Variants in TMEM131 observed in about 807,000 individuals in gnomAD.
The protein encoded by TMEM131 is transmembrane protein 131.
Under a neutral mutation model 211.6 loss-of-function variants are expected in TMEM131, and 66 were observed. That is an observed-to-expected ratio of 0.31 (90% CI 0.26 to 0.38). The LOEUF (loss-of-function observed/expected upper bound fraction) is 0.38, where lower values mean the gene tolerates loss of function less well. TMEM131 is among the 10% of genes least tolerant of loss of function. The pLI, the probability that TMEM131 is intolerant of heterozygous loss-of-function variation, is 1.00. For missense variants in TMEM131, 2,036 were observed against 2,299.3 expected (o/e 0.89, Z 2.34); for synonymous variants, 844 against 841.3 (o/e 1.00, Z -0.06).
chr2:97,797,374 A>G lies in TMEM131; in HGVS notation c.2861T>C (p.Ile954Thr), dbSNP rs759107618. The G allele has an allele frequency of 2.7e-5, 44 of 1,605,416 alleles. 1 individual carries two copies. Among genetic ancestry groups the G allele is most frequent in the South Asian group, 2.7e-4 (24 of 89,626 alleles). ...ATATCACAGAACCTACCTGACTATG[A>G]TAAGTGAAGAAACAGTTCTGTTGTG... ...PVHNRTVSSLIIVRNNLTVMD... is the reference protein window; with the variant it reads ...PVHNRTVSSLTIVRNNLTVMD... The change falls in exon 26 of 41, where the codon ATC becomes ACC. Residue 954 changes from isoleucine to threonine, a missense_variant. By Grantham distance (89) the Ile-to-Thr change is moderately conservative. Around this residue, in one of 3 missense-constraint regions of TMEM131, gnomAD observed 1,623 missense variants for 1,805.9 expected, o/e 0.90. Transcript: ENST00000186436.
At chr2:97,887,828 C>A (rs796179310) in intron 4 of TMEM131, 5 of 426,752 alleles carry the variant, frequency 1.2e-5, no homozygotes, top group African/African-American at 9.9e-5. Context: ...GAGACTACAA[C>A]AAGCGAGTAT....
At chr2:97,947,149 A>T (rs1199878585) in intron 1 of TMEM131, among the ~76,000 whole-genome samples, 1 of 152,058 alleles carries the variant, frequency 6.6e-6, no homozygotes, top group Non-Finnish European at 1.5e-5. Context: ...TAAGATTAGA[A>T]CAAGGTAAGA....
chr2:97,890,773 A>G (rs2104276372), intron 3 of TMEM131, among the ~76,000 whole-genome samples: 1 of 152,290 alleles, frequency 6.6e-6, no homozygotes. Flanking sequence ...TGCAAGTAAC[A>G]ATTTGATTCT....
At chr2:97,817,155 T>C (rs1400655974) in intron 12 of TMEM131, among the ~76,000 whole-genome samples, 2 of 151,526 alleles carry the variant, frequency 1.3e-5, no homozygotes, top group African/African-American at 4.9e-5. Flanking sequence ...ATCGCATTTA[T>C]CTCAAGAAGG....
At chr2:97,871,448 T>C (rs1674485879) in intron 4 of TMEM131, among the ~76,000 whole-genome samples, 1 of 152,158 alleles carries the variant, frequency 6.6e-6, no homozygotes, top group Non-Finnish European at 1.5e-5. Flanking sequence ...CAGAGGGGCC[T>C]GAGATAACCG....
chr2:97,787,231 A>G (rs1334393336), intron 31 of TMEM131, among the ~76,000 whole-genome samples: 1 of 152,224 alleles, frequency 6.6e-6, no homozygotes, highest in Non-Finnish European at 1.5e-5. Flanking sequence ...TGTGTAATGA[A>G]TTTGTCTGAG....
At chr2:97,847,180 T>C (rs1258059364) in intron 5 of TMEM131, among the ~76,000 whole-genome samples, 1 of 148,852 alleles carries the variant, frequency 6.7e-6, no homozygotes, top group Non-Finnish European at 1.5e-5. Context: ...AGAGTGAGAT[T>C]CGGTCTCAAA....
intron 3 of TMEM131, among the ~76,000 whole-genome samples, chr2:97,898,102 T>G (rs1279785120): frequency 6.6e-6 from 1 of 152,102 alleles, no homozygotes; most frequent in Non-Finnish European, 1.5e-5. Context: ...CCAATCTAGC[T>G]ACATTCAAAG....
At chr2:97,977,503 C>T (rs1488881965) in intron 1 of TMEM131, among the ~76,000 whole-genome samples, 6 of 152,160 alleles carry the variant, frequency 3.9e-5, no homozygotes, top group Admixed American at 3.9e-4. Flanking sequence ...TTCCAGACCA[C>T]CACAATAAAA....
intron 32 of TMEM131, among the ~76,000 whole-genome samples, chr2:97,775,390 G>C (rs995631767): frequency 6.6e-6 from 1 of 152,174 alleles, no homozygotes; most frequent in African/African-American, 2.4e-5. Context: ...TACTGCTTGG[G>C]AGTAAGCGGC....
intron 1 of TMEM131, among the ~76,000 whole-genome samples, chr2:97,938,774 G>A (rs1677571091): frequency 6.6e-6 from 1 of 152,116 alleles, no homozygotes; most frequent in Non-Finnish European, 1.5e-5. Flanking sequence ...CCACATAGTT[G>A]GAAGTAAAGC....
intron 6 of TMEM131, 27 bp downstream of exon 6, chr2:97,844,118 A>G: frequency 1.4e-6 from 1 of 699,288 alleles, no homozygotes; most frequent in Non-Finnish European, 2.1e-6. Flanking sequence ...TATATTGTAT[A>G]AAATAAGTTT....
intron 12 of TMEM131, among the ~76,000 whole-genome samples, chr2:97,817,195 G>A (rs761852613): frequency 4.6e-5 from 7 of 152,182 alleles, no homozygotes; most frequent in Non-Finnish European, 8.8e-5. Context: ...CAATACAGGA[G>A]CTAGAGAAGA....
At chr2:97,759,783 A>C in intron 38 of TMEM131, 34 bp from the exon 39 acceptor site, 3 of 1,529,038 alleles carry the variant, frequency 2.0e-6, no homozygotes, top group Non-Finnish European at 1.8e-6. Context: ...CAACACACAA[A>C]AATGTATGGT....
chr2:97,783,376 T>C (rs944536259), intron 31 of TMEM131, among the ~76,000 whole-genome samples: 1 of 152,036 alleles, frequency 6.6e-6, no homozygotes, highest in Non-Finnish European at 1.5e-5. Flanking sequence ...GAAAAAAATA[T>C]AAATAAAACA....
At chr2:97,856,309 T>C (rs182729082) in intron 5 of TMEM131, among the ~76,000 whole-genome samples, 67 of 152,256 alleles carry the variant, frequency 4.4e-4, no homozygotes, top group Admixed American at 1.6e-3. Context: ...CAGATAATTA[T>C]AGATAATTAC....
At chr2:97,902,126 T>C (rs1675880970) in intron 3 of TMEM131, among the ~76,000 whole-genome samples, 1 of 151,734 alleles carries the variant, frequency 6.6e-6, no homozygotes, top group Admixed American at 6.6e-5. Flanking sequence ...CTAAATGGGA[T>C]ACAGAGAGAA....
intron 4 of TMEM131, among the ~76,000 whole-genome samples, chr2:97,866,964 T>C (rs1353643088): frequency 6.6e-6 from 1 of 152,252 alleles, no homozygotes; most frequent in Non-Finnish European, 1.5e-5. Flanking sequence ...TCTGCAATTC[T>C]TCAATAAGCA....
intron 11 of TMEM131, among the ~76,000 whole-genome samples, chr2:97,825,746 CTAAG>C (rs1682351676): frequency 6.6e-6 from 1 of 152,154 alleles, no homozygotes; most frequent in African/African-American, 2.4e-5. Flanking sequence ...AGCGGCATAC[CTAAG>C]TAAGAAAACT....
Sources: allele counts gnomAD v4.1 joint callset (sites outside exome capture counted in the v4.1 genomes callset), GRCh38; gene constraint gnomAD v4.1.1; regional missense constraint gnomAD v4.1.1; transcripts MANE v1.5; gene names NCBI Gene and HGNC (gene_info 2026-07-23, HGNC 2026-07-21).